The following ZDBF2 variants were observed in gnomAD, a reference collection of about 807,000 sequenced individuals.
ZDBF2 encodes DBF4-type zinc finger-containing protein 2.
In ZDBF2, 6 loss-of-function variants were observed where a neutral mutation model predicts 9.4. The ratio of observed to expected loss-of-function variants is 0.64; its 90% confidence interval spans 0.35 to 1.27. The LOEUF (loss-of-function observed/expected upper bound fraction) is 1.27, where lower values mean the gene tolerates loss of function less well. Among genes scored for constraint, ZDBF2 ranks in the 50% most tolerant of loss-of-function variants. The probability of loss-of-function intolerance (pLI) is 0.03; values close to 1 mark genes in which losing one functional copy is unlikely to be tolerated. For synonymous variants in ZDBF2, 905 were observed against 946.3 expected (o/e 0.96, Z 0.80); for missense variants, 2,697 against 2,766.8 (o/e 0.97, Z 0.57).
chr2:206,288,736 G>A (rs1365221143), intron 3 of ZDBF2, among the ~76,000 whole-genome samples: 4 of 152,100 alleles, frequency 2.6e-5, no homozygotes, highest in Admixed American at 6.5e-5. Flanking sequence ...GCATCAGGTC[G>A]TAGCTGAGAT....
intron 4 of ZDBF2, among the ~76,000 whole-genome samples, chr2:206,302,668 A>G (rs984975035): frequency 6.6e-6 from 1 of 152,178 alleles, no homozygotes; most frequent in Non-Finnish European, 1.5e-5. Context: ...CTGCAGTGTC[A>G]TTGTTGAGAA....
In ZDBF2 at chr2:206,314,263, C is replaced by T. The variant is rs201640467; in HGVS notation, c.*2670C>T. The T allele has an allele frequency of 2.3e-4, 30 of 129,760 alleles. No individual in the cohort carries two copies. The highest frequency in any genetic ancestry group is 5.1e-4 in the South Asian group (2 of 3,956). 8.0% of individuals were successfully genotyped at this position (129,760 alleles called of 1,614,324 possible). A position where few individuals can be genotyped will look rare whatever the true frequency, so the allele number is the denominator to read the frequency against. On this transcript the variant is annotated 3_prime_UTR_variant, in exon 5 of 5. Coordinates refer to ENST00000374423, the MANE Select transcript of ZDBF2 (RefSeq NM_020923.3). ...TATGTAACTAGGGCTGTGAGTAACA[C>T]TTTTTTTTTTTTTTTTTGGTTAAAG...
At position 206,314,226 on chromosome 2, in the gene ZDBF2, A is replaced by T. The variant is rs1456953351; in HGVS notation, c.*2633A>T. 1.4e-5 allele frequency: 2 copies of T among 144,654 alleles called. No individual in the cohort carries two copies. The highest frequency in any genetic ancestry group is 3.0e-5 in the Non-Finnish European group (2 of 66,172). The allele number at this position is 144,654 out of a possible 1,614,324, so 9.0% of individuals were successfully genotyped here. A position where few individuals can be genotyped will look rare whatever the true frequency, so the allele number is the denominator to read the frequency against. ...GTGAAGTGTGTTTTTGCATTTGTGC[A>T]TTTAAATTATTTATGTAACTAGGGC... On this transcript the variant is annotated 3_prime_UTR_variant, in exon 5 of 5. Transcript: ENST00000374423.
intron 3 of ZDBF2, among the ~76,000 whole-genome samples, chr2:206,291,004 C>T (rs895294367): frequency 6.6e-6 from 1 of 152,080 alleles, no homozygotes. Context: ...AGTGTTTAAT[C>T]ATGAAAGGGT....
At chr2:206,296,088 A>G (rs1356352294) in intron 3 of ZDBF2, among the ~76,000 whole-genome samples, 1 of 152,178 alleles carries the variant, frequency 6.6e-6, no homozygotes, top group Non-Finnish European at 1.5e-5. Context: ...TTATAAGAAA[A>G]ATTGAAAAAT....
chr2:206,280,935 AAGC>A (rs1209500743), intron 2 of ZDBF2, among the ~76,000 whole-genome samples: 2 of 152,220 alleles, frequency 1.3e-5, no homozygotes, highest in African/African-American at 2.4e-5. Flanking sequence ...CGGCTTAACA[AAGC>A]AGCAAATAAA....
At chr2:206,282,641 T>A (rs180721379) in intron 3 of ZDBF2, among the ~76,000 whole-genome samples, 1 of 152,188 alleles carries the variant, frequency 6.6e-6, no homozygotes, top group Admixed American at 6.5e-5. Context: ...AATCGTCTAC[T>A]TTGTGTTTTA....
chr2:206,306,531 T>C lies in ZDBF2; in HGVS notation c.2003T>C (p.Met668Thr), dbSNP rs758701521. 1.2e-6 allele frequency: 2 copies of C among 1,613,682 alleles called. No homozygotes were observed. The highest frequency in any genetic ancestry group is 2.2e-5 in the South Asian group (2 of 91,060). The change falls in exon 5 of 5, where the codon ATG (methionine) becomes ACG (threonine). Residue 668 changes from methionine to threonine, a missense_variant. Met to Thr is a moderately conservative substitution (Grantham distance 81). This residue lies in a region of ZDBF2 where 910 missense variants were observed against 973.6 expected (regional missense o/e 0.93). Transcript: ENST00000374423. ...AACTGTGAATCCCATGGTCCTGAAA[T>C]GGGTTTTCAGGCTGATGCTCAATTA... ...DMNCESHGPE[M>T]GFQADAQLAD... is the part of the protein sequence containing the mutation.
Position 206,310,100 on chromosome 2 carries a change from T to C in ZDBF2, c.5572T>C (p.Tyr1858His), listed in dbSNP as rs1693075654. 5.6e-6 allele frequency: 9 copies of C among 1,613,792 alleles called. No individual in the cohort carries two copies. The highest frequency in any genetic ancestry group is 6.8e-6 in the Non-Finnish European group (8 of 1,179,856). Residue 1858 changes from tyrosine (Y) to histidine (H), a missense_variant, in exon 5 of 5, where the codon TAC becomes CAC. Tyr to His is a moderately conservative substitution (Grantham distance 83). Around this residue, in one of 3 missense-constraint regions of ZDBF2, gnomAD observed 1,783 missense variants for 1,776.5 expected, o/e 1.00. Coordinates refer to ENST00000374423, the MANE Select transcript of ZDBF2 (RefSeq NM_020923.3). ...GTTTAGGGAAGGTCGTTTCCACTGT[T>C]ACTTTGATGATGACTGTGAGACCAA... ...KEFREGRFHC[Y>H]FDDDCETKKV... is the part of the protein sequence containing the mutation.
chr2:206,311,454 A>G lies in ZDBF2; in HGVS notation c.6926A>G (p.Asp2309Gly), dbSNP rs1693187679. 3 of 1,612,622 alleles carry G rather than the reference A, an allele frequency of 1.9e-6. No individual in the cohort carries two copies. Among genetic ancestry groups the G allele is most frequent in the Non-Finnish European group, 1.7e-6 (2 of 1,179,504 alleles). The change falls in exon 5 of 5, where the codon GAT becomes GGT. Residue 2309 changes from aspartate to glycine, a missense_variant. Around this residue, in one of 3 missense-constraint regions of ZDBF2, gnomAD observed 1,783 missense variants for 1,776.5 expected, o/e 1.00. Transcript: ENST00000374423. ...CRVARRRKKT[D>G]ESYHGRQKGP... ...GTTGCAAGAAGGAGGAAGAAGACTG[A>G]TGAAAGCTACCATGGCCGACAGAAA...
chr2:206,297,472 C>G, intron 4 of ZDBF2, 99 bp downstream of exon 4: 1 of 1,169,988 alleles, frequency 8.5e-7, no homozygotes, highest in Non-Finnish European at 1.2e-6. Flanking sequence ...ATCTTTGAGT[C>G]AAGGAATATA....
chr2:206,304,896 A>C lies in ZDBF2; in HGVS notation c.368A>C (p.Lys123Thr), dbSNP rs1433035555. The C allele has an allele frequency of 1.9e-6, 3 of 1,613,626 alleles. No individual in the cohort carries two copies. The African/African-American group carries it at 4.0e-5, about 22-fold the overall frequency. The part of the protein sequence containing the change: ...PIEELHSRPH[K>T]SQEGTQEVSV... Reference sequence around the variant, plus strand: ...GAAGAGTTACATTCCAGACCTCATAAATCTCAGGAAGGCACGCAGGAGGTT... The same window carrying C: ...GAAGAGTTACATTCCAGACCTCATACATCTCAGGAAGGCACGCAGGAGGTT... The change falls in exon 5 of 5, where the codon AAA becomes ACA. Residue 123 changes from lysine to threonine, a missense_variant. Lys to Thr is a moderately conservative substitution (Grantham distance 78). Around this residue, in one of 3 missense-constraint regions of ZDBF2, gnomAD observed 910 missense variants for 973.6 expected, o/e 0.93. Transcript: ENST00000374423.
chr2:206,279,815 AT>A (rs1691218713), intron 2 of ZDBF2, among the ~76,000 whole-genome samples: 1 of 151,954 alleles, frequency 6.6e-6, no homozygotes, highest in South Asian at 2.1e-4. Context: ...ATTTTATTTT[AT>A]TTTTTCGAGA....
chr2:206,308,299 T>A lies in ZDBF2; in HGVS notation c.3771T>A (p.Pro1257=). The A allele has an allele frequency of 1.2e-6, 2 of 1,613,902 alleles. No homozygotes were observed. The highest frequency in any genetic ancestry group is 1.7e-6 in the Non-Finnish European group (2 of 1,179,834). ...TTCTTCAGCCAGTGGCTGGCCAACC[T>A]GAAGAAGTAGTTAAGGAGGTCAGTC... is the stretch of plus-strand genomic sequence containing the variant. ...SDVLQPVAGQ[P]EEVVKEVSLW... Residue 1257 remains proline, a synonymous_variant, in exon 5 of 5, where the codon CCT becomes CCA. Coordinates refer to ENST00000374423, the MANE Select transcript of ZDBF2 (RefSeq NM_020923.3).
At position 206,304,920 on chromosome 2, in the gene ZDBF2, T is replaced by A; in HGVS notation, c.392T>A (p.Val131Asp). The change falls in exon 5 of 5, where the codon GTT (valine) becomes GAT (aspartate). Residue 131 changes from valine (V) to aspartate (D), a missense_variant. This residue lies in a region of ZDBF2 where 910 missense variants were observed against 973.6 expected (regional missense o/e 0.93). Transcript: ENST00000374423. ...PHKSQEGTQE[V>D]SVRPSVIQKL... ...AAATCTCAGGAAGGCACGCAGGAGG[T>A]TTCAGTTCGACCATCAGTTATTCAA... is the stretch of plus-strand genomic sequence containing the variant. 6.2e-7 allele frequency: 1 copy of A among 1,613,308 alleles called. No homozygotes were observed. The highest frequency in any genetic ancestry group is 8.5e-7 in the Non-Finnish European group (1 of 1,179,696).
In ZDBF2 at chr2:206,281,992, A is replaced by G; in HGVS notation, c.60+83A>G. The G allele has an allele frequency of 8.8e-6, 11 of 1,250,766 alleles. 1 individual carries two copies. Among genetic ancestry groups the G allele is most frequent in the South Asian group, 7.0e-5 (5 of 71,090 alleles). 77.5% of individuals were successfully genotyped at this position (1,250,766 alleles called of 1,614,324 possible). A position where few individuals can be genotyped will look rare whatever the true frequency, so the allele number is the denominator to read the frequency against. On this transcript the variant is annotated intron_variant, in intron 3 of 4. Transcript: ENST00000374423. Reference sequence around the variant, plus strand: ...TACATTTTATTAAATTAATTTATTTATTCATTGAACAGATCATATTGGGAA... The same window carrying G: ...TACATTTTATTAAATTAATTTATTTGTTCATTGAACAGATCATATTGGGAA...
rs1692931204 is a variant in ZDBF2 at position 206,308,281 on chromosome 2, G to C, written c.3753G>C (p.Gln1251His). Reference sequence around the variant, plus strand: ...TTATGTATGATTCTGATGTTCTTCAGCCAGTGGCTGGCCAACCTGAAGAAG... The same window carrying C: ...TTATGTATGATTCTGATGTTCTTCACCCAGTGGCTGGCCAACCTGAAGAAG... ...FEIMYDSDVLQPVAGQPEEVV... is the reference protein window; with the variant it reads ...FEIMYDSDVLHPVAGQPEEVV... The change falls in exon 5 of 5, where the codon CAG (glutamine) becomes CAC (histidine). Residue 1251 changes from glutamine to histidine, a missense_variant. This residue lies in a region of ZDBF2 where 1,783 missense variants were observed against 1,776.5 expected (regional missense o/e 1.00). Coordinates refer to ENST00000374423, the MANE Select transcript of ZDBF2 (RefSeq NM_020923.3). 6.2e-7 allele frequency: 1 copy of C among 1,613,918 alleles called. No homozygotes were observed. Among genetic ancestry groups the C allele is most frequent in the Non-Finnish European group, 8.5e-7 (1 of 1,179,848 alleles).
Position 206,309,996 on chromosome 2 carries a change from T to C in ZDBF2, c.5468T>C (p.Val1823Ala). ...CCAGTTCTTGAAGCCTTGCCTCATG[T>C]ACCTCCTTCATTTGTGGGGAAAACA... is the stretch of plus-strand genomic sequence containing the variant. Reference protein sequence around the residue: ...DEPVLEALPHVPPSFVGKTWS... With the variant: ...DEPVLEALPHAPPSFVGKTWS... Residue 1823 changes from valine (V) to alanine (A), a missense_variant, in exon 5 of 5, where the codon GTA (valine) becomes GCA (alanine). Physicochemically the swap from Val to Ala is moderately conservative, Grantham distance 64 (BLOSUM62 0). Around this residue, in one of 3 missense-constraint regions of ZDBF2, gnomAD observed 1,783 missense variants for 1,776.5 expected, o/e 1.00. Coordinates refer to ENST00000374423, the MANE Select transcript of ZDBF2 (RefSeq NM_020923.3). 1 of 1,613,054 alleles carries C rather than the reference T, an allele frequency of 6.2e-7. No individual in the cohort carries two copies. The highest frequency in any genetic ancestry group is 8.5e-7 in the Non-Finnish European group (1 of 1,179,650).
chr2:206,283,947 G>A (rs1426617099), intron 3 of ZDBF2, among the ~76,000 whole-genome samples: 1 of 152,188 alleles, frequency 6.6e-6, no homozygotes, highest in Non-Finnish European at 1.5e-5. Context: ...ACAGGTGTGA[G>A]CCACCACAAC....
Sources: allele counts gnomAD v4.1 joint callset (sites outside exome capture counted in the v4.1 genomes callset), GRCh38; gene constraint gnomAD v4.1.1; regional missense constraint gnomAD v4.1.1; transcripts MANE v1.5; gene names NCBI Gene and HGNC (gene_info 2026-07-23, HGNC 2026-07-21).